MED28: variants seen among roughly 807,000 people sequenced by gnomAD.
The protein encoded by MED28 is mediator complex subunit 28.
A neutral mutation model predicts 21.3 loss-of-function variants in MED28; 26 were observed. The ratio of observed to expected loss-of-function variants is 1.22; its 90% CI spans 0.89 to 1.69. The LOEUF (loss-of-function observed/expected upper bound fraction) is 1.69, where lower values mean the gene tolerates loss of function less well. Ranked by LOEUF, MED28 falls within the 40% of genes most tolerant of loss-of-function variation. The pLI is 0.00. For missense variants in MED28, 257 were observed against 215.4 expected, an observed-to-expected ratio of 1.19 and a Z score of -1.21; for synonymous variants, 110 against 87.6, an observed-to-expected ratio of 1.26 and a Z score of -1.43.
rs1184531320 is a variant in MED28 at position 17,614,683 on chromosome 4, C to T, written c.29C>T (p.Ser10Phe). 4.3e-6 allele frequency: 7 copies of T among 1,613,360 alleles called. No individual in the cohort carries two copies. The highest frequency in any genetic ancestry group is 2.2e-5 in the East Asian group (1 of 44,864). The change falls in exon 1 of 4, where the codon TCT becomes TTT. Residue 10 changes from serine (S) to phenylalanine (F), a missense_variant. Physicochemically the swap from Ser to Phe is radical, Grantham distance 155. Coordinates refer to ENST00000237380, the MANE Select transcript of MED28 (RefSeq NM_025205.5). ...GCGGCTCCACTAGGGGGTATGTTTT[C>T]TGGGCAGCCACCCGGTCCCCCTCAG... MAAPLGGMF[S>F]GQPPGPPQAP...
intron 2 of MED28, among the ~76,000 whole-genome samples, chr4:17,621,172 C>CG: frequency 6.6e-6 from 1 of 151,994 alleles, no homozygotes; most frequent in East Asian, 1.9e-4. Context: ...TTCCACCACG[C>CG]CCAGCTAATT....
Position 17,632,523 on chromosome 4 carries a change from A to AAGGTTAGCTT in MED28, c.*8728_*8737dup. On this transcript the variant is annotated 3_prime_UTR_variant, in exon 4 of 4. Coordinates refer to ENST00000237380, the MANE Select transcript of MED28 (RefSeq NM_025205.5). ...CAAGTATCCTCTGTGATGTATCCCAAAGGTTAGCTTAGAAAGAAAAGTACT... is the reference window on the plus strand; with the variant it reads ...CAAGTATCCTCTGTGATGTATCCCAAAGGTTAGCTTAGGTTAGCTTAGAAAGAAAAGTACT... 1.3e-6 allele frequency: 2 copies of AAGGTTAGCTT among 1,541,268 alleles called. No individual in the cohort carries two copies. The highest frequency in any genetic ancestry group is 1.8e-6 in the Non-Finnish European group (2 of 1,138,300).
chr4:17,615,618 T>C (rs577324168), intron 1 of MED28, among the ~76,000 whole-genome samples: 1 of 152,246 alleles, frequency 6.6e-6, no homozygotes, highest in Admixed American at 6.5e-5. Context: ...GAGACCAGCC[T>C]GACCAACATG....
At position 17,632,380 on chromosome 4, in the gene MED28, G is replaced by A. The variant is rs1011789750; in HGVS notation, c.*8582G>A. On this transcript the variant is annotated 3_prime_UTR_variant, in exon 4 of 4. Transcript: ENST00000237380. ...GTGAGCTGCTGTGCCTGGCAGAACA[G>A]TATGAAGTGTTAACGCCAAAATTTG... 17 of 573,924 alleles carry A rather than the reference G, an allele frequency of 3.0e-5. No individual in the cohort carries two copies. In the African/African-American group the frequency reaches 3.2e-4, roughly 11 times the overall value. 35.6% of individuals were successfully genotyped at this position (573,924 alleles called of 1,614,324 possible).
chr4:17,615,340 GTT>G (rs1458723003), intron 1 of MED28, among the ~76,000 whole-genome samples: 1 of 152,176 alleles, frequency 6.6e-6, no homozygotes, highest in African/African-American at 2.4e-5. Flanking sequence ...CAATCTCTCA[GTT>G]TTGCCCAAGG....
chr4:17,618,170 CCTGA>C (rs1346407120), intron 1 of MED28, among the ~76,000 whole-genome samples: 1 of 151,856 alleles, frequency 6.6e-6, no homozygotes, highest in African/African-American at 2.4e-5. Flanking sequence ...CACCACTACG[CCTGA>C]CTAATTTTTG....
At position 17,625,847 on chromosome 4, in the gene MED28, T is replaced by A; in HGVS notation, c.*2049T>A. On this transcript the variant is annotated 3_prime_UTR_variant, in exon 4 of 4. Transcript: ENST00000237380. ...GACTCCTGCTGTGATTGTCCAGGGGTACGTTCTGGTCTGGCTTGGTGCTTG... is the reference window on the plus strand; with the variant it reads ...GACTCCTGCTGTGATTGTCCAGGGGAACGTTCTGGTCTGGCTTGGTGCTTG... 1 of 284,216 alleles carries A rather than the reference T, an allele frequency of 3.5e-6. No individual in the cohort carries two copies. The highest frequency in any genetic ancestry group is 3.1e-5 in the South Asian group (1 of 32,502). 17.6% of individuals were successfully genotyped at this position (284,216 alleles called of 1,614,324 possible). A position where few individuals can be genotyped will look rare whatever the true frequency, so the allele number is the denominator to read the frequency against.
At position 17,626,845 on chromosome 4, in the gene MED28, A is replaced by C. The variant is rs943375831; in HGVS notation, c.*3047A>C. On this transcript the variant is annotated 3_prime_UTR_variant, in exon 4 of 4. Transcript: ENST00000237380. The stretch of plus-strand genomic sequence containing the variant: ...CTGTCTCCTGCCGGACATTCCTGCC[A>C]CCCGACATCAAAGCTGGTGGGTGAC... 2 of 152,080 alleles carry C rather than the reference A, an allele frequency of 1.3e-5. No homozygotes were observed. Among genetic ancestry groups the C allele is most frequent in the Admixed American group, 6.6e-5 (1 of 15,240 alleles). The allele number at this position is 152,080 out of a possible 1,614,324, so 9.4% of individuals were successfully genotyped here. A position where few individuals can be genotyped will look rare whatever the true frequency, so the allele number is the denominator to read the frequency against.
Position 17,619,979 on chromosome 4 carries a change from C to A in MED28, c.226+12C>A, listed in dbSNP as rs1301985248. The A allele has an allele frequency of 6.2e-7, 1 of 1,611,394 alleles. No homozygotes were observed. The highest frequency in any genetic ancestry group is 1.3e-5 in the African/African-American group (1 of 74,848). On this transcript the variant is annotated intron_variant, in intron 2 of 3. Coordinates refer to ENST00000237380, the MANE Select transcript of MED28 (RefSeq NM_025205.5). ...AGAAATTCGAACCGGTAAGCATTCC[C>A]TCTGTGTACACAATGTTCTGGGCTT... is the stretch of plus-strand genomic sequence containing the variant.
rs539720473 is a variant in MED28 at position 17,631,578 on chromosome 4, G to C, written c.*7780G>C. ...ACTGGGCTAGGATTGGTTATTTACA[G>C]AAAAACCTTGTGGTACTTAATTCCA... On this transcript the variant is annotated 3_prime_UTR_variant, in exon 4 of 4. Coordinates refer to ENST00000237380, the MANE Select transcript of MED28 (RefSeq NM_025205.5). 1.3e-5 allele frequency: 2 copies of C among 152,250 alleles called. No homozygotes were observed. The highest frequency in any genetic ancestry group is 2.9e-5 in the Non-Finnish European group (2 of 68,024). The allele number at this position is 152,250 out of a possible 1,614,324, so 9.4% of individuals were successfully genotyped here.
rs146585879 is a variant in MED28, at chr4:17,627,334, T to C, written c.*3536T>C. 0.042 allele frequency: 6,334 copies of C among 151,006 alleles called. 166 individuals carry two copies. Among genetic ancestry groups the C allele is most frequent in the Middle Eastern group, 0.15 (44 of 296 alleles). The allele number at this position is 151,006 out of a possible 1,614,324, so 9.4% of individuals were successfully genotyped here. On this transcript the variant is annotated 3_prime_UTR_variant, in exon 4 of 4. Transcript: ENST00000237380. ...TGAACTCCTGACCTCAAGTGATCTGTCCGCCTCAGCCTCCCAAAGTACTGA... is the reference window on the plus strand; with the variant it reads ...TGAACTCCTGACCTCAAGTGATCTGCCCGCCTCAGCCTCCCAAAGTACTGA...
Position 17,631,396 on chromosome 4 carries a change from C to G in MED28, c.*7598C>G, listed in dbSNP as rs1481200933. 1 of 152,144 alleles carries G rather than the reference C, an allele frequency of 6.6e-6. No individual in the cohort carries two copies. The highest frequency in any genetic ancestry group is 1.5e-5 in the Non-Finnish European group (1 of 68,098). The allele number at this position is 152,144 out of a possible 1,614,324, so 9.4% of individuals were successfully genotyped here. Reference sequence around the variant, plus strand: ...CCCAGGCTGGTCTCAAATTCCTGGCCTCAAGCTCTCCTCCCATCTCAGCCT... The same window carrying G: ...CCCAGGCTGGTCTCAAATTCCTGGCGTCAAGCTCTCCTCCCATCTCAGCCT... On this transcript the variant is annotated 3_prime_UTR_variant, in exon 4 of 4. Coordinates refer to ENST00000237380, the MANE Select transcript of MED28 (RefSeq NM_025205.5).
At position 17,623,755 on chromosome 4, in the gene MED28, A is replaced by C; in HGVS notation, c.494A>C (p.Glu165Ala). ...CCTCAGGGCTCCTTGGCCTACCTGG[A>C]GCAGGCATCTGCCAACATCCCTGCA... ...DIPQGSLAYL[E>A]QASANIPAPL... Residue 165 changes from glutamate (E) to alanine (A), a missense_variant, in exon 4 of 4, where the codon GAG (glutamate) becomes GCG (alanine). By Grantham distance (107) the Glu-to-Ala change is moderately radical. Coordinates refer to ENST00000237380, the MANE Select transcript of MED28 (RefSeq NM_025205.5). The C allele has an allele frequency of 3.1e-6, 5 of 1,614,202 alleles. No homozygotes were observed. The highest frequency in any genetic ancestry group is 4.2e-6 in the Non-Finnish European group (5 of 1,180,022).
Position 17,633,826 on chromosome 4 carries a change from T to C in MED28, c.*10028T>C, listed in dbSNP as rs1577238258. 6.4e-7 allele frequency: 1 copy of C among 1,551,586 alleles called. No homozygotes were observed. On this transcript the variant is annotated 3_prime_UTR_variant, in exon 4 of 4. Transcript: ENST00000237380. The stretch of plus-strand genomic sequence containing the variant: ...TCAGATCGCCACTCAGAAAGTTCTT[T>C]GCATAGGAGGCGAGGTTCGGCACGC...
Position 17,628,241 on chromosome 4 carries a change from C to A in MED28, c.*4443C>A. 1 of 141,746 alleles carries A rather than the reference C, an allele frequency of 7.1e-6. No homozygotes were observed. Among genetic ancestry groups the A allele is most frequent in the Non-Finnish European group, 1.5e-5 (1 of 66,232 alleles). 8.8% of individuals were successfully genotyped at this position (141,746 alleles called of 1,614,324 possible). A position where few individuals can be genotyped will look rare whatever the true frequency, so the allele number is the denominator to read the frequency against. The stretch of plus-strand genomic sequence containing the variant: ...CCAAACATCCTTCTGCTGGTTAAAA[C>A]GAGTGACAGCTGCCGTGTGTGTGTG... On this transcript the variant is annotated 3_prime_UTR_variant, in exon 4 of 4. Coordinates refer to ENST00000237380, the MANE Select transcript of MED28 (RefSeq NM_025205.5).
At chr4:17,618,931 C>G (rs1218004761) in intron 1 of MED28, among the ~76,000 whole-genome samples, 6 of 152,356 alleles carry the variant, frequency 3.9e-5, no homozygotes, top group Admixed American at 1.3e-4. Context: ...TGCAGGCAGG[C>G]AGAATTTTTG....
chr4:17,620,865 T>C (rs945041343), intron 2 of MED28, among the ~76,000 whole-genome samples: 1 of 151,760 alleles, frequency 6.6e-6, no homozygotes, highest in Non-Finnish European at 1.5e-5. Flanking sequence ...CACATTTGGC[T>C]AATTTTTGTT....
In MED28 at chr4:17,631,013, C is replaced by G. The variant is rs1577236659; in HGVS notation, c.*7215C>G. ...CCAAAGACTGAAAAAATATTTTGCC[C>G]CCTAAAAGTTGTTATTGAGTCTTGT... On this transcript the variant is annotated 3_prime_UTR_variant, in exon 4 of 4. Coordinates refer to ENST00000237380, the MANE Select transcript of MED28 (RefSeq NM_025205.5). The G allele has an allele frequency of 6.6e-6, 1 of 152,156 alleles. No homozygotes were observed. Among genetic ancestry groups the G allele is most frequent in the Admixed American group, 6.5e-5 (1 of 15,274 alleles). The allele number at this position is 152,156 out of a possible 1,614,324, so 9.4% of individuals were successfully genotyped here.
chr4:17,616,338 G>T (rs7697889), intron 1 of MED28, among the ~76,000 whole-genome samples: 88,037 of 152,034 alleles, frequency 0.58, 26,497 homozygotes, highest in East Asian at 0.88. Flanking sequence ...TAAAGGAAGG[G>T]GCTGGTGAAC....
Sources: gnomAD v4.1 joint callset for allele counts (sites outside exome capture counted in the v4.1 genomes callset) on GRCh38, gnomAD v4.1.1 for gene constraint, MANE v1.5 for transcripts, NCBI Gene and HGNC (gene_info 2026-07-23, HGNC 2026-07-21) for gene names.